Variants in ENTREP2 observed in about 807,000 individuals in gnomAD.
ENTREP2 encodes protein ENTREP2.
chr15:29,225,665 A>T, the ENTREP2 span, among the ~76,000 whole-genome samples: 1 of 152,082 alleles, frequency 6.6e-6, no homozygotes, highest in Non-Finnish European at 1.5e-5. Flanking sequence ...CAGTGGAGAG[A>T]AGTAGTATCA....
At chr15:29,318,358 T>C in the ENTREP2 span, among the ~76,000 whole-genome samples, 1 of 152,094 alleles carries the variant, frequency 6.6e-6, no homozygotes, top group Non-Finnish European at 1.5e-5. Flanking sequence ...TTTTGCTCAG[T>C]CACCCAGGCT....
At chr15:29,632,645 C>T in the ENTREP2 span, among the ~76,000 whole-genome samples, 108 of 152,226 alleles carry the variant, frequency 7.1e-4, 1 homozygote, top group African/African-American at 1.7e-3. Flanking sequence ...ATTAGCTAGG[C>T]ATGGTGGTAG....
chr15:29,547,801 C>A, the ENTREP2 span, among the ~76,000 whole-genome samples: 1 of 152,170 alleles, frequency 6.6e-6, no homozygotes, highest in African/African-American at 2.4e-5. Context: ...ATGTTCATAG[C>A]AGCACTATTC....
chr15:29,360,556 T>A, the ENTREP2 span, among the ~76,000 whole-genome samples: 33 of 152,226 alleles, frequency 2.2e-4, no homozygotes, highest in Non-Finnish European at 4.4e-5. Context: ...ATACAGTGAA[T>A]TAAATTCCTC....
chr15:29,503,456 G>C, the ENTREP2 span, among the ~76,000 whole-genome samples: 2 of 152,100 alleles, frequency 1.3e-5, no homozygotes, highest in South Asian at 4.1e-4. Context: ...GGAGGTGACT[G>C]CTAACAGTTA....
At chr15:29,371,911 A>AATAG in the ENTREP2 span, among the ~76,000 whole-genome samples, 59,899 of 149,354 alleles carry the variant, frequency 0.4, 13,593 homozygotes, top group Non-Finnish European at 0.51. Flanking sequence ...AAAATAAATA[A>AATAG]ATAGATAGAT....
chr15:29,245,864 C>G, the ENTREP2 span, among the ~76,000 whole-genome samples: 2 of 152,158 alleles, frequency 1.3e-5, no homozygotes, highest in South Asian at 2.1e-4. Context: ...GGCACAGGCT[C>G]AGACTGCTGG....
chr15:29,240,326 T>A, the ENTREP2 span, among the ~76,000 whole-genome samples: 2,899 of 150,474 alleles, frequency 0.019, 101 homozygotes, highest in African/African-American at 0.067. Flanking sequence ...ATTGCACCAT[T>A]CACTCCAGCC....
the ENTREP2 span, among the ~76,000 whole-genome samples, chr15:29,165,301 G>A: frequency 1.3e-5 from 2 of 151,814 alleles, no homozygotes; most frequent in Non-Finnish European, 2.9e-5. Flanking sequence ...AAACCCAGCA[G>A]AAGAAAGGAA....
At chr15:29,408,956 G>A in the ENTREP2 span, among the ~76,000 whole-genome samples, 2 of 152,086 alleles carry the variant, frequency 1.3e-5, no homozygotes, top group African/African-American at 4.8e-5. Context: ...TATAACCTGT[G>A]AGGCCATTAA....
chr15:29,373,946 C>T, the ENTREP2 span: 18 of 152,088 alleles, frequency 1.2e-4, no homozygotes, highest in African/African-American at 4.3e-4. Flanking sequence ...CACTATGAAT[C>T]TAATTTTCAT....
chr15:29,356,465 C>T, the ENTREP2 span, among the ~76,000 whole-genome samples: 24 of 150,848 alleles, frequency 1.6e-4, no homozygotes, highest in African/African-American at 5.6e-4. Context: ...ACTACCACAC[C>T]CAGCTAATTT....
the ENTREP2 span, chr15:29,268,375 TA>T: frequency 1.1e-4 from 19 of 165,464 alleles, no homozygotes; most frequent in East Asian, 3.5e-4. Flanking sequence ...TATAGGCAAT[TA>T]TTTTTTTTAA....
the ENTREP2 span, among the ~76,000 whole-genome samples, chr15:29,670,777 C>T: frequency 1.3e-5 from 2 of 152,194 alleles, no homozygotes; most frequent in African/African-American, 4.8e-5. Context: ...GGGCCTCATG[C>T]CTGGGGAAGG....
At chr15:29,515,423 T>C in the ENTREP2 span, among the ~76,000 whole-genome samples, 2 of 152,246 alleles carry the variant, frequency 1.3e-5, no homozygotes, top group Non-Finnish European at 2.9e-5. Context: ...AATCGGATGA[T>C]GACCACCTGC....
the ENTREP2 span, among the ~76,000 whole-genome samples, chr15:29,573,932 C>T: frequency 6.6e-6 from 1 of 151,948 alleles, no homozygotes; most frequent in African/African-American, 2.4e-5. Flanking sequence ...TGAACACTTG[C>T]AATTTGGAGA....
the ENTREP2 span, among the ~76,000 whole-genome samples, chr15:29,616,849 C>T: frequency 1.3e-5 from 2 of 152,046 alleles, no homozygotes; most frequent in Non-Finnish European, 2.9e-5. Context: ...CTGAGGCAGG[C>T]AGATCACTTG....
the ENTREP2 span, among the ~76,000 whole-genome samples, chr15:29,355,879 A>C: frequency 6.6e-6 from 1 of 152,198 alleles, no homozygotes; most frequent in Non-Finnish European, 1.5e-5. Context: ...GGTCCCACGA[A>C]GAGGAGGCTT....
the ENTREP2 span, among the ~76,000 whole-genome samples, chr15:29,422,393 C>G: frequency 6.6e-6 from 1 of 152,238 alleles, no homozygotes; most frequent in East Asian, 1.9e-4. Flanking sequence ...TCTCCTGCCT[C>G]TCCGGGGGCT....
Sources: gnomAD v4.1 joint callset for allele counts (sites outside exome capture counted in the v4.1 genomes callset) on GRCh38, gnomAD v4.1.1 for gene constraint, MANE v1.5 for transcripts, NCBI Gene and HGNC (gene_info 2026-07-23, HGNC 2026-07-21) for gene names.